The following FSTL4 variants were observed in gnomAD, a reference collection of about 807,000 sequenced individuals.
The protein encoded by FSTL4 is follistatin like 4, also known as follistatin-related protein 4.
Under a neutral mutation model 78.2 loss-of-function variants are expected in FSTL4, and 28 were observed. The observed-to-expected ratio is 0.36, with a 90% CI of 0.27 to 0.49. FSTL4 has a LOEUF of 0.49. Among genes scored for constraint, FSTL4 ranks in the 20% least tolerant of loss-of-function variants. FSTL4 has a pLI of 0.98. For missense variants in FSTL4, 922 were observed against 1,084.9 expected (o/e 0.85, Z 2.11); for synonymous variants, 422 against 440.5 (o/e 0.96, Z 0.53).
At chr5:133,430,282 C>A (rs1756906575) in intron 3 of FSTL4, among the ~76,000 whole-genome samples, 1 of 152,202 alleles carries the variant, frequency 6.6e-6, no homozygotes, top group South Asian at 2.1e-4. Context: ...TCCCCTGAAG[C>A]CTAGTCTTGC....
chr5:133,620,604 A>G, the FSTL4 span, among the ~76,000 whole-genome samples: 5 of 152,200 alleles, frequency 3.3e-5, no homozygotes, highest in Non-Finnish European at 7.3e-5. Flanking sequence ...ATCAAAATAT[A>G]TGACTAAGAA....
intron 3 of FSTL4, among the ~76,000 whole-genome samples, chr5:133,508,329 G>A (rs1216490185): frequency 1.3e-5 from 2 of 152,174 alleles, no homozygotes; most frequent in East Asian, 3.8e-4. Flanking sequence ...CCTTTCCTTT[G>A]AGGTCAGGTC....
chr5:133,388,096 A>G (rs1022494661), intron 4 of FSTL4: 1 of 152,244 alleles, frequency 6.6e-6, no homozygotes, highest in African/African-American at 2.4e-5. Context: ...ACTTAACCTC[A>G]TCATTTACCC....
intron 4 of FSTL4, among the ~76,000 whole-genome samples, chr5:133,354,255 A>G (rs925419549): frequency 6.6e-6 from 1 of 152,192 alleles, no homozygotes; most frequent in Non-Finnish European, 1.5e-5. Flanking sequence ...GTGGAAAGAG[A>G]CAAGGGGCTA....
chr5:133,626,905 T>A, the FSTL4 span, among the ~76,000 whole-genome samples: 4 of 152,172 alleles, frequency 2.6e-5, no homozygotes, highest in Non-Finnish European at 5.9e-5. Context: ...ATCCTGTTTG[T>A]TGATGGTGTT....
chr5:133,329,056 C>G (rs1046846965), intron 4 of FSTL4, among the ~76,000 whole-genome samples: 1 of 152,142 alleles, frequency 6.6e-6, no homozygotes, highest in Non-Finnish European at 1.5e-5. Flanking sequence ...CTGAGGCTGT[C>G]GCTTCCTCCG....
chr5:133,533,216 T>C (rs1561459864), intron 3 of FSTL4, among the ~76,000 whole-genome samples: 2 of 152,166 alleles, frequency 1.3e-5, no homozygotes, highest in African/African-American at 2.4e-5. Context: ...AGAAGTGAGA[T>C]AATAAGTTTC....
chr5:133,760,062 G>A, the FSTL4 span, among the ~76,000 whole-genome samples: 1 of 152,232 alleles, frequency 6.6e-6, no homozygotes, highest in South Asian at 2.1e-4. Context: ...TATGAGGACA[G>A]TAAGAGACAG....
intron 3 of FSTL4, among the ~76,000 whole-genome samples, chr5:133,411,367 G>T (rs1363101666): frequency 6.6e-6 from 1 of 152,124 alleles, no homozygotes; most frequent in Non-Finnish European, 1.5e-5. Context: ...TGATTTTTGA[G>T]CCAACAAGAA....
At chr5:133,354,783 C>T (rs80273967) in intron 4 of FSTL4, among the ~76,000 whole-genome samples, 1,992 of 152,370 alleles carry the variant, frequency 0.013, 33 homozygotes, top group African/African-American at 0.045. Flanking sequence ...GCAGATCTCA[C>T]GTCACCTACA....
chr5:133,710,911 A>G, the FSTL4 span, among the ~76,000 whole-genome samples: 2 of 152,220 alleles, frequency 1.3e-5, no homozygotes, highest in Non-Finnish European at 2.9e-5. Context: ...AATAAATACT[A>G]TCAGGAACAG....
the FSTL4 span, among the ~76,000 whole-genome samples, chr5:133,774,693 G>C: frequency 6.6e-6 from 1 of 152,086 alleles, no homozygotes; most frequent in African/African-American, 2.4e-5. Flanking sequence ...GTATACCTTT[G>C]CCATCTTATC....
chr5:133,289,519 T>C (rs564296974), intron 6 of FSTL4, among the ~76,000 whole-genome samples: 4 of 152,342 alleles, frequency 2.6e-5, no homozygotes, highest in African/African-American at 9.6e-5. Flanking sequence ...GAGTGGGGCC[T>C]TGGCTGCCAC....
chr5:133,213,918 C>T (rs1250766487), intron 13 of FSTL4, among the ~76,000 whole-genome samples: 1 of 152,050 alleles, frequency 6.6e-6, no homozygotes, highest in African/African-American at 2.4e-5. Flanking sequence ...AACAATTATA[C>T]CATGAGAAAA....
chr5:133,752,773 G>T, the FSTL4 span, among the ~76,000 whole-genome samples: 1 of 152,088 alleles, frequency 6.6e-6, no homozygotes, highest in African/African-American at 2.4e-5. Flanking sequence ...GGGCAGGGGG[G>T]TCAAGGGTCA....
intron 8 of FSTL4, among the ~76,000 whole-genome samples, chr5:133,230,931 C>T (rs772586813): frequency 1.1e-4 from 17 of 152,276 alleles, no homozygotes; most frequent in Admixed American, 2.0e-4. Flanking sequence ...CTCCTGAGGA[C>T]GCAGCTTCTC....
chr5:133,705,869 G>GCATA, the FSTL4 span, among the ~76,000 whole-genome samples: 1 of 147,806 alleles, frequency 6.8e-6, no homozygotes, highest in Non-Finnish European at 1.5e-5. Flanking sequence ...ACACACACAC[G>GCATA]CACACACACA....
intron 3 of FSTL4, among the ~76,000 whole-genome samples, chr5:133,446,543 C>G (rs25868): frequency 0.21 from 31,995 of 152,136 alleles, 3,684 homozygotes; most frequent in Admixed American, 0.29. Flanking sequence ...TGGCACTCCC[C>G]CCACTCCTCC....
intron 3 of FSTL4, among the ~76,000 whole-genome samples, chr5:133,559,932 C>T (rs1417123223): frequency 6.6e-6 from 1 of 152,212 alleles, no homozygotes; most frequent in East Asian, 1.9e-4. Flanking sequence ...GTCAAACAAC[C>T]TGGAAGGCCC....
Sources: gnomAD v4.1 joint callset for allele counts (sites outside exome capture counted in the v4.1 genomes callset) on GRCh38, gnomAD v4.1.1 for gene constraint, MANE v1.5 for transcripts, NCBI Gene and HGNC (gene_info 2026-07-23, HGNC 2026-07-21) for gene names.